ADAMTSL1: variants seen among roughly 807,000 people sequenced by gnomAD.
ADAMTSL1 encodes ADAMTS like 1.
A neutral mutation model predicts 201.8 loss-of-function variants in ADAMTSL1; 126 were observed. That is an observed-to-expected ratio of 0.62 (90% confidence interval 0.54 to 0.72). The LOEUF (loss-of-function observed/expected upper bound fraction) is 0.72. Ranked by LOEUF, ADAMTSL1 falls within the 30% of genes least tolerant of loss-of-function variation. The probability of loss-of-function intolerance (pLI) is 0.00; values close to 1 mark genes in which losing one functional copy is unlikely to be tolerated. For synonymous variants in ADAMTSL1, 1,121 were observed against 903.4 expected (o/e 1.24, Z -4.32); for missense variants, 2,679 against 2,277.8 (o/e 1.18, Z -3.59).
chr9:18,901,408 T>C (rs1390190127), intron 26 of ADAMTSL1, among the ~76,000 whole-genome samples: 1 of 152,042 alleles, frequency 6.6e-6, no homozygotes, highest in African/African-American at 2.4e-5. Context: ...ACCAGTATTA[T>C]TTTGTTTCAT....
At chr9:17,965,224 TC>T (rs747485670) in intron 1 of ADAMTSL1, among the ~76,000 whole-genome samples, 25 of 152,318 alleles carry the variant, frequency 1.6e-4, no homozygotes, top group South Asian at 6.2e-4. Flanking sequence ...TCAATTTTTT[TC>T]CTATGAACAT....
Position 18,510,721 on chromosome 9 carries a change from G to A in ADAMTSL1, c.191+5765G>A, listed in dbSNP as rs1330019362. Among the ~76,000 whole-genome samples the A allele has an allele frequency of 4.0e-5, 6 of 151,768 alleles. No homozygotes were observed. In the East Asian group the frequency reaches 1.2e-3, roughly 29 times the overall value. ...TTATAATGTAACTTTTACTAATCTAGTATCGCTAAGTAGAATATAATACCT... is the reference window on the plus strand; with the variant it reads ...TTATAATGTAACTTTTACTAATCTAATATCGCTAAGTAGAATATAATACCT... On this transcript the variant is annotated intron_variant, in intron 2 of 28. Transcript: ENST00000380548.
intron 13 of ADAMTSL1, among the ~76,000 whole-genome samples, chr9:18,699,182 AAG>A (rs1831767380): frequency 6.6e-6 from 1 of 152,240 alleles, no homozygotes. Flanking sequence ...TTCTGCAAGA[AAG>A]ACATTCAGGC....
intron 17 of ADAMTSL1, among the ~76,000 whole-genome samples, chr9:18,773,347 G>A (rs147264155): frequency 1.2e-3 from 179 of 152,244 alleles, no homozygotes; most frequent in Non-Finnish European, 2.0e-3. Context: ...GAAAGAGTTT[G>A]ATATTAAATA....
rs901122519 is a variant in ADAMTSL1, at chr9:18,495,987, G to A, written c.64-8842G>A. ...GCATTTCATCATTGATTAAATATTT[G>A]TTGAAATCTTACATTTTCTTCAAAA... On this transcript the variant is annotated intron_variant, in intron 1 of 28. Transcript: ENST00000380548. Among the ~76,000 whole-genome samples the A allele has an allele frequency of 2.0e-5, 3 of 152,010 alleles. No homozygotes were observed. In the South Asian group the frequency reaches 6.2e-4, roughly 32 times the overall value.
intron 19 of ADAMTSL1, among the ~76,000 whole-genome samples, chr9:18,790,931 C>T (rs1821996415): frequency 6.6e-6 from 1 of 152,072 alleles, no homozygotes. Flanking sequence ...ATTCTATGTC[C>T]CCACATCCTC....
chr9:18,560,158 C>T (rs1220796492), intron 3 of ADAMTSL1, among the ~76,000 whole-genome samples: 1 of 152,154 alleles, frequency 6.6e-6, no homozygotes, highest in African/African-American at 2.4e-5. Flanking sequence ...TCATAAATAA[C>T]TCTTATTATT....
chr9:18,310,478 C>A (rs1015360455), intron 2 of ADAMTSL1, among the ~76,000 whole-genome samples: 4 of 147,640 alleles, frequency 2.7e-5, no homozygotes, highest in Admixed American at 1.4e-4. Flanking sequence ...GGACTAATAT[C>A]CAGAATCTAT....
intron 2 of ADAMTSL1, among the ~76,000 whole-genome samples, chr9:18,441,700 G>A (rs1820001099): frequency 6.6e-6 from 1 of 152,090 alleles, no homozygotes; most frequent in Non-Finnish European, 1.5e-5. Flanking sequence ...TTCTATAATA[G>A]GAGATGCTAA....
Position 18,621,639 on chromosome 9 carries a change from T to C in ADAMTSL1, c.475-604T>C, listed in dbSNP as rs149771982. Among the ~76,000 whole-genome samples the C allele has an allele frequency of 1.1e-3, 164 of 151,992 alleles. 3 individuals are homozygous for C. In the East Asian group the frequency reaches 0.023, roughly 22 times the overall value. On this transcript the variant is annotated intron_variant, in intron 4 of 28. Transcript: ENST00000380548. Reference sequence around the variant, plus strand: ...TGTTTGCTGATTCTCTCCTCTTTTTTAAGCTGGAGTACTAGCTAGAAAAGG... The same window carrying C: ...TGTTTGCTGATTCTCTCCTCTTTTTCAAGCTGGAGTACTAGCTAGAAAAGG...
At chr9:18,061,340 T>C (rs1046481385) in intron 1 of ADAMTSL1, among the ~76,000 whole-genome samples, 3 of 152,208 alleles carry the variant, frequency 2.0e-5, no homozygotes, top group African/African-American at 4.8e-5. Context: ...TTCCTATTGA[T>C]GTCTCATTTT....
intron 13 of ADAMTSL1, chr9:18,685,104 C>A: frequency 1.7e-6 from 1 of 579,014 alleles, no homozygotes. Flanking sequence ...GCCCAGGCTG[C>A]AGCTGATGAT....
chr9:18,841,865 T>C (rs1248804139), intron 23 of ADAMTSL1, among the ~76,000 whole-genome samples: 1 of 152,238 alleles, frequency 6.6e-6, no homozygotes, highest in East Asian at 1.9e-4. Flanking sequence ...TTTGTATTTC[T>C]GTGGGATCAG....
At chr9:18,295,803 G>C (rs1833457014) in intron 2 of ADAMTSL1, among the ~76,000 whole-genome samples, 1 of 152,126 alleles carries the variant, frequency 6.6e-6, no homozygotes, top group African/African-American at 2.4e-5. Flanking sequence ...GATAAAATCT[G>C]TAATGAATTT....
At chr9:18,033,896 C>T (rs1345929425) in intron 1 of ADAMTSL1, among the ~76,000 whole-genome samples, 2 of 152,148 alleles carry the variant, frequency 1.3e-5, no homozygotes, top group East Asian at 1.9e-4. Context: ...TGGTTATTTT[C>T]TTCTTTAACT....
chr9:18,683,233 T>TTTTG (rs1830619903), intron 12 of ADAMTSL1, among the ~76,000 whole-genome samples: 3 of 150,742 alleles, frequency 2.0e-5, no homozygotes, highest in African/African-American at 2.4e-5. Context: ...TTTTTTTGTT[T>TTTTG]TTTTTTTTTG....
In ADAMTSL1 at chr9:18,260,021, T is replaced by G. The variant is rs148182827; in HGVS notation, c.207+96040T>G. ...GACTTGGAAATTAGTTTTTATCTTA[T>G]TTTAACATTGAGAAAACTGAGGCTG... is the stretch of plus-strand genomic sequence containing the variant. On this transcript the variant is annotated intron_variant, in intron 2 of 29. Transcript: ENST00000680146. Among the ~76,000 whole-genome samples, 312 of 152,356 alleles carry G rather than the reference T, an allele frequency of 2.0e-3. 1 individual carries two copies. The highest frequency in any genetic ancestry group is 7.2e-3 in the African/African-American group (299 of 41,584).
rs545016992 is a variant in ADAMTSL1, at chr9:18,788,010, C to G, written c.3678-7387C>G. 2.6e-5 allele frequency among the ~76,000 whole-genome samples: 4 copies of G among 152,134 alleles called. No individual in the cohort carries two copies. The East Asian group carries it at 7.7e-4, about 29-fold the overall frequency. On this transcript the variant is annotated intron_variant, in intron 19 of 28. Coordinates refer to ENST00000380548, the MANE Select transcript of ADAMTSL1 (RefSeq NM_001040272.6). ...GGGTTAAGAATGTGTGGTCAGGTGG[C>G]CTTTCCCATTCCTAAAATATTTTCT...
chr9:18,821,536 G>C (rs949033626), intron 21 of ADAMTSL1, among the ~76,000 whole-genome samples: 6 of 152,158 alleles, frequency 3.9e-5, no homozygotes, highest in Non-Finnish European at 5.9e-5. Flanking sequence ...AAGGATGCTG[G>C]GGAAGGTAGG....
Sources: allele counts gnomAD v4.1 joint callset (sites outside exome capture counted in the v4.1 genomes callset), GRCh38; gene constraint gnomAD v4.1.1; transcripts MANE v1.5; gene names NCBI Gene and HGNC (gene_info 2026-07-23, HGNC 2026-07-21).